Variants in ITIH4 observed in about 807,000 individuals in gnomAD.
ITIH4 encodes inter-alpha-trypsin inhibitor heavy chain H4.
A neutral mutation model predicts 111.8 loss-of-function variants in ITIH4; 79 were observed. The ratio of observed to expected loss-of-function variants is 0.71; its 90% CI spans 0.59 to 0.85. The LOEUF is 0.85. ITIH4 is among the 40% of genes least tolerant of loss of function. The pLI is 0.00. For synonymous variants in ITIH4, 472 were observed against 468.3 expected (o/e 1.01, Z -0.10); for missense variants, 1,065 against 1,195.8 (o/e 0.89, Z 1.61).
At chr3:52,827,975 T>C (rs1475983596) in intron 2 of ITIH4, among the ~76,000 whole-genome samples, 4 of 152,120 alleles carry the variant, frequency 2.6e-5, no homozygotes, top group Non-Finnish European at 5.9e-5. Flanking sequence ...GCAGCCAGGA[T>C]GTCAGGACTA....
chr3:52,819,869 G>A (rs1700346947), intron 15 of ITIH4, 71 bp downstream of exon 15: 1 of 1,603,570 alleles, frequency 6.2e-7, no homozygotes, highest in Non-Finnish European at 8.5e-7. Context: ...GCTGGGCAAG[G>A]CACTACCCTC....
intron 1 of ITIH4, 170 bp downstream of exon 1, chr3:52,830,383 C>T (rs778966468): frequency 1.4e-6 from 1 of 719,020 alleles, no homozygotes. Context: ...TGGGAGAATA[C>T]CAGTAAGGCC....
At position 52,826,636 on chromosome 3, in the gene ITIH4, A is replaced by C; in HGVS notation, c.535T>G (p.Phe179Val). The change falls in exon 5 of 24, where the codon TTC (phenylalanine) becomes GTC (valine). Residue 179 changes from phenylalanine (F) to valine (V), a missense_variant. Phe to Val is a conservative substitution (Grantham distance 50). Coordinates refer to ENST00000266041, the MANE Select transcript of ITIH4 (RefSeq NM_002218.5). ...VKHLQMDIHIFEPQGISFLET... is the reference protein window; with the variant it reads ...VKHLQMDIHIVEPQGISFLET... The stretch of plus-strand genomic sequence containing the variant: ...AGAAAGCTGATGCCCTGGGGCTCGA[A>C]GATGTGAATGTCCATCTGGAGGCAA... 6.2e-7 allele frequency: 1 copy of C among 1,613,998 alleles called. No homozygotes were observed. The highest frequency in any genetic ancestry group is 1.1e-5 in the South Asian group (1 of 91,070).
In ITIH4 at chr3:52,823,882, C is replaced by A. The variant is rs766641120; in HGVS notation, c.1294G>T (p.Asp432Tyr). 6.2e-7 allele frequency: 1 copy of A among 1,613,812 alleles called. No homozygotes were observed. The highest frequency in any genetic ancestry group is 1.1e-5 in the South Asian group (1 of 91,044). ...ATGCGCCGGGCCAGGCCGCCATTGT[C>A]CAGTGCCAGCTTCTCCAGGAAGGCA... The part of the protein sequence containing the change: ...SYAFLEKLAL[D>Y]NGGLARRIHE... Residue 432 changes from aspartate (D) to tyrosine (Y), a missense_variant, in exon 10 of 24, where the codon GAC becomes TAC. Asp to Tyr is a radical substitution (Grantham distance 160). Transcript: ENST00000266041.
In ITIH4 at chr3:52,816,894, C is replaced by G. The variant is rs1446446693; in HGVS notation, c.2461G>C (p.Val821Leu). ...AYKWKETLFSVMPGLKMTMDK... is the reference protein window; with the variant it reads ...AYKWKETLFSLMPGLKMTMDK... ...CAGCCTGGGCCTTACCCGGGCATCA[C>G]TGAGAATAGCGTCTCCTTCCACTTG... The change falls in exon 21 of 24, where the codon GTG becomes CTG. Residue 821 changes from valine (V) to leucine (L), a missense_variant. Transcript: ENST00000266041. 2 of 1,613,504 alleles carry G rather than the reference C, an allele frequency of 1.2e-6. No homozygotes were observed. Among genetic ancestry groups the G allele is most frequent in the African/African-American group, 2.7e-5 (2 of 74,916 alleles).
chr3:52,817,103 G>C, intron 20 of ITIH4, 45 bp from the exon 21 acceptor site: 1 of 1,560,108 alleles, frequency 6.4e-7, no homozygotes, highest in Non-Finnish European at 8.8e-7. Flanking sequence ...CCCCAGCCAG[G>C]TCTGACACCG....
chr3:52,827,374 C>A (rs948307243), intron 2 of ITIH4, among the ~76,000 whole-genome samples, 177 bp from the exon 3 acceptor site: 9 of 152,234 alleles, frequency 5.9e-5, no homozygotes, highest in African/African-American at 1.2e-4. Context: ...CTGTGCAGGG[C>A]ACTCTGCAAA....
At chr3:52,818,392 G>A (rs1318151297) in intron 18 of ITIH4, 70 bp downstream of exon 18, 18 of 1,573,050 alleles carry the variant, frequency 1.1e-5, no homozygotes, top group African/African-American at 8.1e-5. Flanking sequence ...CTTCAACATC[G>A]AGACATGTGA....
chr3:52,826,716 G>A (rs1045767820), intron 4 of ITIH4, 65 bp from the exon 5 acceptor site: 7 of 1,611,728 alleles, frequency 4.3e-6, no homozygotes, highest in South Asian at 2.2e-5. Context: ...AGGAGGCTCA[G>A]GGACAAAGAG....
rs778331890 is a variant in ITIH4 at position 52,819,991 on chromosome 3, C to G, written c.1862-1G>C. ...AGATAATATTTGAAGAAAGTGGAAC[C>G]TGGAAATCAGTGGGACCTGGGTTTG... On this transcript the variant is annotated splice_acceptor_variant, in intron 14 of 23. Transcript: ENST00000266041. LOFTEE classifies it high-confidence loss of function. 2 of 1,614,038 alleles carry G rather than the reference C, an allele frequency of 1.2e-6. No homozygotes were observed. Among genetic ancestry groups the G allele is most frequent in the Non-Finnish European group, 1.7e-6 (2 of 1,180,002 alleles).
chr3:52,813,606 T>G, intron 23 of ITIH4, 116 bp from the exon 24 acceptor site: 1 of 905,192 alleles, frequency 1.1e-6, no homozygotes, highest in Non-Finnish European at 1.8e-6. Context: ...GGCGTCCCTT[T>G]AGAATTCCCT....
chr3:52,825,895 G>A lies in ITIH4; in HGVS notation c.750C>T (p.Gly250=). 6.2e-7 allele frequency: 1 copy of A among 1,613,674 alleles called. No individual in the cohort carries two copies. The highest frequency in any genetic ancestry group is 8.5e-7 in the Non-Finnish European group (1 of 1,179,780). The change falls in exon 6 of 24, where the codon GGC becomes GGT. Residue 250 remains glycine, a synonymous_variant. Coordinates refer to ENST00000266041, the MANE Select transcript of ITIH4 (RefSeq NM_002218.5). ...CCTGAAGTCCACCCACCTGAATGGAGCCCCCGGAGATGGCCCGGTCCACAT... is the reference window on the plus strand; with the variant it reads ...CCTGAAGTCCACCCACCTGAATGGAACCCCCGGAGATGGCCCGGTCCACAT... ...RYDVDRAISG[G]SIQIENGYFV...
rs546988787 is a variant in ITIH4 at position 52,814,028 on chromosome 3, T to G, written c.2670A>C (p.Ser890=). Residue 890 remains serine (S), a synonymous_variant, in exon 23 of 24, where the codon TCA becomes TCC. Transcript: ENST00000266041. ...CCCTCAGCGTGCGTCTGCCGTCATC[T>G]GATGCTGCTGGAGATCCCCAGAGCA... ...QEVLWGSPAA[S]DDGRRTLRVQ... is the part of the protein sequence containing the mutation. 1 of 1,613,954 alleles carries G rather than the reference T, an allele frequency of 6.2e-7. No homozygotes were observed. Among genetic ancestry groups the G allele is most frequent in the South Asian group, 1.1e-5 (1 of 91,052 alleles).
At chr3:52,814,475 G>T in intron 21 of ITIH4, 112 bp from the exon 22 acceptor site, 3 of 863,582 alleles carry the variant, frequency 3.5e-6, no homozygotes, top group Non-Finnish European at 5.5e-6. Flanking sequence ...AAGTCACGGA[G>T]TGGCCTTGGG....
At position 52,826,660 on chromosome 3, in the gene ITIH4, A is replaced by C. The variant is rs780380434; in HGVS notation, c.520-9T>G. On this transcript the variant is annotated splice_polypyrimidine_tract_variant and intron_variant, in intron 4 of 23. Coordinates refer to ENST00000266041, the MANE Select transcript of ITIH4 (RefSeq NM_002218.5). ...AAGATGTGAATGTCCATCTGGAGGC[A>C]AGATGTGGGTCCCTGGGTCAGCCAG... The C allele has an allele frequency of 2.5e-6, 4 of 1,612,984 alleles. No homozygotes were observed. Among genetic ancestry groups the C allele is most frequent in the African/African-American group, 2.7e-5 (2 of 74,922 alleles).
At position 52,816,901 on chromosome 3, in the gene ITIH4, T is replaced by C. The variant is rs373701994; in HGVS notation, c.2454A>G (p.Leu818=). The change falls in exon 21 of 24, where the codon CTA becomes CTG. Residue 818 remains leucine, a synonymous_variant. Transcript: ENST00000266041. ...GGCCTTACCCGGGCATCACTGAGAATAGCGTCTCCTTCCACTTGTACGCAG... is the reference window on the plus strand; with the variant it reads ...GGCCTTACCCGGGCATCACTGAGAACAGCGTCTCCTTCCACTTGTACGCAG... ...RSSAYKWKET[L]FSVMPGLKMT... The C allele has an allele frequency of 1.2e-5, 20 of 1,613,696 alleles. No homozygotes were observed. The highest frequency in any genetic ancestry group is 1.3e-5 in the African/African-American group (1 of 74,916).
In ITIH4 at chr3:52,824,474, C is replaced by T; in HGVS notation, c.968G>A (p.Arg323Lys). Residue 323 changes from arginine (R) to lysine (K), a missense_variant, in exon 8 of 24, where the codon AGG becomes AAG. Coordinates refer to ENST00000266041, the MANE Select transcript of ITIH4 (RefSeq NM_002218.5). This position sits in a 1 kb window ranked among gnomAD's most constrained non-coding sequence, Gnocchi z 4.3. Reference sequence around the variant, plus strand: ...GGCTGAGGCTGGCACCAGTGATGGCCTCCACTGAGTTGCTTCTGTACTGAA... The same window carrying T: ...GGCTGAGGCTGGCACCAGTGATGGCTTCCACTGAGTTGCTTCTGTACTGAA... ...IVFSTEATQW[R>K]PSLVPASAEN... is the part of the protein sequence containing the mutation. The T allele has an allele frequency of 6.2e-7, 1 of 1,614,214 alleles. No homozygotes were observed. The highest frequency in any genetic ancestry group is 8.5e-7 in the Non-Finnish European group (1 of 1,180,040).
rs188974524 is a variant in ITIH4, at chr3:52,822,081, C to T, written c.1540-951G>A. On this transcript the variant is annotated intron_variant, in intron 11 of 23. Transcript: ENST00000266041. ...GATCTGGGCCAGGTGCGGTGGCTCACGCCTGTAATCCCAGCACTTTGGGAG... is the reference window on the plus strand; with the variant it reads ...GATCTGGGCCAGGTGCGGTGGCTCATGCCTGTAATCCCAGCACTTTGGGAG... Among the ~76,000 whole-genome samples, 984 of 152,296 alleles carry T rather than the reference C, an allele frequency of 6.5e-3. 83 individuals carry two copies. The South Asian group carries it at 0.18, about 28-fold the overall frequency.
At chr3:52,820,933 C>T in intron 12 of ITIH4, 58 bp downstream of exon 12, 2 of 1,592,194 alleles carry the variant, frequency 1.3e-6, no homozygotes, top group South Asian at 2.3e-5. Context: ...AGGCGCTGTA[C>T]CGTGCCACCT....
Sources: allele counts gnomAD v4.1 joint callset (sites outside exome capture counted in the v4.1 genomes callset), GRCh38; gene constraint gnomAD v4.1.1; non-coding constraint Gnocchi (gnomAD v3.1); transcripts MANE v1.5; gene names NCBI Gene and HGNC (gene_info 2026-07-23, HGNC 2026-07-21).